Variants in PTPRM observed in about 807,000 individuals in gnomAD.
PTPRM encodes protein tyrosine phosphatase receptor type M, also known as receptor-type tyrosine-protein phosphatase mu.
In PTPRM, 47 loss-of-function variants were observed where a neutral mutation model predicts 186.7. The ratio of observed to expected loss-of-function variants is 0.25; its 90% CI spans 0.20 to 0.32. The LOEUF is 0.32. PTPRM is among the 10% of genes least tolerant of loss of function. The pLI, the probability that PTPRM is intolerant of heterozygous loss-of-function variation, is 1.00. For missense variants in PTPRM, 1,494 were observed against 1,865.0 expected, an observed-to-expected ratio of 0.80 and a Z score of 3.66; for synonymous variants, 668 against 674.9, an observed-to-expected ratio of 0.99 and a Z score of 0.16.
In PTPRM at chr18:7,917,531, G is replaced by A. The variant is rs2050632370; in HGVS notation, c.548-9037G>A. Among the ~76,000 whole-genome samples the A allele has an allele frequency of 2.0e-5, 3 of 152,088 alleles. No individual in the cohort carries two copies. In the South Asian group the frequency reaches 6.2e-4, roughly 32 times the overall value. ...AGCCTGGGCGACAGAGTGAGACTCTGTCTAAAAAAATATATACTTTTTTAT... is the reference window on the plus strand; with the variant it reads ...AGCCTGGGCGACAGAGTGAGACTCTATCTAAAAAAATATATACTTTTTTAT... On this transcript the variant is annotated intron_variant, in intron 4 of 32. Coordinates refer to ENST00000580170, the MANE Select transcript of PTPRM (RefSeq NM_001105244.2).
At chr18:8,147,557 G>GTATTT in intron 14 of PTPRM, among the ~76,000 whole-genome samples, 1 of 152,278 alleles carries the variant, frequency 6.6e-6, no homozygotes, top group East Asian at 1.9e-4. Flanking sequence ...CTGAGACGAT[G>GTATTT]GGGTTTTCTA....
At position 8,159,295 on chromosome 18, in the gene PTPRM, A is replaced by G. The variant is rs1186626419; in HGVS notation, c.2300+15516A>G. The stretch of plus-strand genomic sequence containing the variant: ...CTTACAGAGTGTGCTTTTTAAAGTA[A>G]ATAAAGCTTCACTGGATCCCCTGGA... On this transcript the variant is annotated intron_variant, in intron 14 of 32. Coordinates refer to ENST00000580170, the MANE Select transcript of PTPRM (RefSeq NM_001105244.2). Among the ~76,000 whole-genome samples, 5 of 152,134 alleles carry G rather than the reference A, an allele frequency of 3.3e-5. No homozygotes were observed. The East Asian group carries it at 9.6e-4, about 29-fold the overall frequency.
At chr18:8,314,378 G>A (rs561433610) in intron 20 of PTPRM, among the ~76,000 whole-genome samples, 3 of 152,302 alleles carry the variant, frequency 2.0e-5, no homozygotes, top group South Asian at 2.1e-4. Context: ...AGCCTGCACC[G>A]TGAGTTTGTA....
intron 1 of PTPRM, among the ~76,000 whole-genome samples, chr18:7,761,360 A>G (rs1056434203): frequency 6.6e-6 from 1 of 152,222 alleles, no homozygotes; most frequent in Non-Finnish European, 1.5e-5. Flanking sequence ...ATAATATGTA[A>G]TTATTGACAT....
chr18:7,769,362 G>A (rs952321326), intron 1 of PTPRM, among the ~76,000 whole-genome samples: 1 of 152,170 alleles, frequency 6.6e-6, no homozygotes, highest in African/African-American at 2.4e-5. Flanking sequence ...TCTGTAAAAT[G>A]AGGATCATAG....
In PTPRM at chr18:7,567,702, G is replaced by A; in HGVS notation, c.-117G>A. The A allele has an allele frequency of 2.2e-6, 2 of 925,008 alleles. No homozygotes were observed. The highest frequency in any genetic ancestry group is 3.0e-6 in the Non-Finnish European group (2 of 658,414). 57.3% of individuals were successfully genotyped at this position (925,008 alleles called of 1,614,324 possible). ...GTTGGCACTTTGGGGGCTTGGCTTA[G>A]CGCTCTGCTGTTTACCCGTCTCTCC... On this transcript the variant is annotated 5_prime_UTR_variant, in exon 1 of 33. Transcript: ENST00000580170. This position sits in a 1 kb window ranked among gnomAD's most constrained non-coding sequence, Gnocchi z 4.3.
intron 2 of PTPRM, among the ~76,000 whole-genome samples, chr18:7,885,115 C>T (rs2048720082): frequency 6.6e-6 from 1 of 152,028 alleles, no homozygotes; most frequent in Non-Finnish European, 1.5e-5. Flanking sequence ...TGAGACCATC[C>T]TTGGCCCTGA....
At chr18:7,667,783 AT>A (rs1017376672) in intron 1 of PTPRM, among the ~76,000 whole-genome samples, 1 of 152,186 alleles carries the variant, frequency 6.6e-6, no homozygotes, top group African/African-American at 2.4e-5. Context: ...CCTCGGAAAG[AT>A]TTCAAATGAT....
chr18:7,618,038 A>G (rs2037848950), intron 1 of PTPRM, among the ~76,000 whole-genome samples: 1 of 152,166 alleles, frequency 6.6e-6, no homozygotes, highest in South Asian at 2.1e-4. Flanking sequence ...GTTGCCTTGA[A>G]TCTGACTTGT....
chr18:7,762,613 A>T (rs949095419), intron 1 of PTPRM, among the ~76,000 whole-genome samples: 1 of 152,204 alleles, frequency 6.6e-6, no homozygotes, highest in African/African-American at 2.4e-5. Context: ...TGTATTTTAT[A>T]AAAATTCAGC....
intron 14 of PTPRM, among the ~76,000 whole-genome samples, chr18:8,195,524 A>G (rs978457836): frequency 1.3e-5 from 2 of 152,210 alleles, no homozygotes; most frequent in South Asian, 2.1e-4. Context: ...TAAAGAAAGT[A>G]TGGTATCTGT....
At chr18:7,850,158 T>C (rs779427013) in intron 2 of PTPRM, among the ~76,000 whole-genome samples, 17 of 152,240 alleles carry the variant, frequency 1.1e-4, no homozygotes, top group Non-Finnish European at 2.1e-4. Context: ...TAAGAACTTA[T>C]ATTGTATATG....
intron 23 of PTPRM, among the ~76,000 whole-genome samples, chr18:8,352,312 A>T (rs988806814): frequency 3.3e-5 from 5 of 152,190 alleles, no homozygotes; most frequent in Non-Finnish European, 7.3e-5. Flanking sequence ...TTTTAGATTT[A>T]GGGGGCACAT....
intron 9 of PTPRM, among the ~76,000 whole-genome samples, chr18:8,085,469 G>A (rs1221311030): frequency 1.3e-5 from 2 of 152,142 alleles, no homozygotes; most frequent in East Asian, 3.9e-4. Context: ...ACTGGCTTAA[G>A]TTCCCCTGTC....
chr18:7,795,082 C>G (rs57015414), intron 2 of PTPRM, among the ~76,000 whole-genome samples: 1 of 152,202 alleles, frequency 6.6e-6, no homozygotes, highest in Non-Finnish European at 1.5e-5. Context: ...CTTGTGATCA[C>G]CAGATGTACT....
chr18:8,054,452 A>C (rs1339278546), intron 7 of PTPRM, among the ~76,000 whole-genome samples: 3 of 150,990 alleles, frequency 2.0e-5, no homozygotes, highest in Non-Finnish European at 4.4e-5. Context: ...AATTGACTGA[A>C]ATAACTTTTT....
At chr18:8,108,038 TCAGAG>T (rs1189714974) in intron 11 of PTPRM, among the ~76,000 whole-genome samples, 1 of 152,192 alleles carries the variant, frequency 6.6e-6, no homozygotes, top group Admixed American at 6.5e-5. Context: ...AAAGACAATG[TCAGAG>T]CAAAGAACAA....
intron 7 of PTPRM, among the ~76,000 whole-genome samples, chr18:7,957,503 C>T (rs567142971): frequency 2.4e-4 from 36 of 152,294 alleles, no homozygotes; most frequent in African/African-American, 8.7e-4. Flanking sequence ...CTGTTTGCAG[C>T]CTGCAGTTGG....
At chr18:8,221,788 C>G (rs1191103776) in intron 14 of PTPRM, among the ~76,000 whole-genome samples, 1 of 152,184 alleles carries the variant, frequency 6.6e-6, no homozygotes, top group Non-Finnish European at 1.5e-5. Context: ...TTAATTTTGG[C>G]CTACAGATTT....
Sources: allele counts gnomAD v4.1 joint callset (sites outside exome capture counted in the v4.1 genomes callset), GRCh38; gene constraint gnomAD v4.1.1; non-coding constraint Gnocchi (gnomAD v3.1); transcripts MANE v1.5; gene names NCBI Gene and HGNC (gene_info 2026-07-23, HGNC 2026-07-21).